Variants in ZNHIT1 observed in about 807,000 individuals in gnomAD.
ZNHIT1 encodes the protein zinc finger HIT domain-containing protein 1.
In ZNHIT1, 20 loss-of-function variants were observed where a neutral mutation model predicts 21.4. The ratio of observed to expected loss-of-function variants is 0.93; its 90% CI spans 0.66 to 1.36. The LOEUF is 1.36. Ranked by LOEUF, ZNHIT1 falls within the 40% of genes most tolerant of loss-of-function variation. The pLI is 0.00. For synonymous variants in ZNHIT1, 79 were observed against 84.0 expected (o/e 0.94, Z 0.32); for missense variants, 170 against 213.5 (o/e 0.80, Z 1.27).
rs370895021 is a variant in ZNHIT1 at position 101,218,231 on chromosome 7, C to G, written c.22+14C>G. 3 of 1,611,890 alleles carry G rather than the reference C, an allele frequency of 1.9e-6. No homozygotes were observed. Among genetic ancestry groups the G allele is most frequent in the Middle Eastern group, 1.7e-4 (1 of 6,054 alleles). On this transcript the variant is annotated intron_variant, in intron 1 of 4. Transcript: ENST00000305105. ...AGAAAACTTCGGGTATGTGAGCCCC[C>G]GCGGTTCGCCCCCTTCCCCTTCCCA...
intron 2 of ZNHIT1, among the ~76,000 whole-genome samples, chr7:101,222,994 G>C (rs1020986177): frequency 6.6e-6 from 1 of 152,322 alleles, no homozygotes; most frequent in East Asian, 1.9e-4. Flanking sequence ...GAAGCCTTAG[G>C]CTTGGGGGCA....
Position 101,223,470 on chromosome 7 carries a change from C to G in ZNHIT1, c.194-7C>G. ...GTGCCAAGCAACGGATCACCCTTGA[C>G]CCCTAGGAAAGAAAAAGAAGAAAAC... On this transcript the variant is annotated splice_polypyrimidine_tract_variant and splice_region_variant and intron_variant, in intron 2 of 4. Transcript: ENST00000305105. 6.2e-7 allele frequency: 1 copy of G among 1,614,084 alleles called. No homozygotes were observed. The highest frequency in any genetic ancestry group is 1.1e-5 in the South Asian group (1 of 91,078).
intron 1 of ZNHIT1, chr7:101,220,088 T>A (rs1000262219): frequency 1.3e-5 from 2 of 151,590 alleles, no homozygotes; most frequent in Admixed American, 6.6e-5. Context: ...ATAATCATAT[T>A]TTTTTTTGTT....
chr7:101,218,193 C>G lies in ZNHIT1; in HGVS notation c.-3C>G, dbSNP rs748914698. 5 of 1,613,184 alleles carry G rather than the reference C, an allele frequency of 3.1e-6. No homozygotes were observed. In the African/African-American group the frequency reaches 6.7e-5, roughly 22 times the overall value. ...AGTTTCTTCCGACAGTTGTGTTGTG[C>G]CAATGGTGGAGAAGAAAACTTCGGG... On this transcript the variant is annotated 5_prime_UTR_variant, in exon 1 of 5. Coordinates refer to ENST00000305105, the MANE Select transcript of ZNHIT1 (RefSeq NM_006349.3).
rs1296456629 is a variant in ZNHIT1 at position 101,221,152 on chromosome 7, TG to T, written c.23-1449del. ...AATCTGCAGGAGAAGCAGACTTGGA[TG>T]GGAATTTTTTTTTTTTTTTGAGTTG... is the stretch of plus-strand genomic sequence containing the variant. On this transcript the variant is annotated intron_variant, in intron 1 of 4. Coordinates refer to ENST00000305105, the MANE Select transcript of ZNHIT1 (RefSeq NM_006349.3). 7.9e-5 allele frequency: 11 copies of T among 138,504 alleles called. No homozygotes were observed. The East Asian group carries it at 2.0e-3, about 25-fold the overall frequency. 8.6% of individuals were successfully genotyped at this position (138,504 alleles called of 1,614,324 possible). A position where few individuals can be genotyped will look rare whatever the true frequency, so the allele number is the denominator to read the frequency against.
At chr7:101,223,202 T>C (rs2116823966) in intron 2 of ZNHIT1, among the ~76,000 whole-genome samples, 1 of 152,162 alleles carries the variant, frequency 6.6e-6, no homozygotes, top group East Asian at 1.9e-4. Flanking sequence ...TGAAACCCCA[T>C]CTCTACTAAA....
At chr7:101,221,415 G>A (rs1223537366) in intron 1 of ZNHIT1, 1 of 151,968 alleles carries the variant, frequency 6.6e-6, no homozygotes, top group Non-Finnish European at 1.5e-5. Context: ...GTAGAGATGG[G>A]GTTTGGCTAT....
chr7:101,220,572 G>T (rs951723496), intron 1 of ZNHIT1: 3 of 152,102 alleles, frequency 2.0e-5, no homozygotes, highest in African/African-American at 7.2e-5. Flanking sequence ...GGGTTAAATG[G>T]TTCAAGTGTT....
chr7:101,222,870 T>A (rs890374464), intron 2 of ZNHIT1, 96 bp downstream of exon 2: 1 of 1,480,434 alleles, frequency 6.8e-7, no homozygotes, highest in African/African-American at 1.4e-5. Context: ...GAGCTCCTGG[T>A]GCCTCTGCCA....
At position 101,223,730 on chromosome 7, in the gene ZNHIT1, C is replaced by T. The variant is rs373114121; in HGVS notation, c.331C>T (p.Arg111Trp). 6.0e-5 allele frequency: 97 copies of T among 1,613,426 alleles called. No homozygotes were observed. In the Middle Eastern group the frequency reaches 1.2e-3, roughly 19 times the overall value. ...YLTACAGPPS[R>W]PQRPFCAVCG... ...GACGGCCTGTGCGGGACCCCCATCG[C>T]GGCCCCAGCGCCCCTTCTGTGCTGT... The change falls in exon 4 of 5, where the codon CGG (arginine) becomes TGG (tryptophan). Residue 111 changes from arginine to tryptophan, a missense_variant. Transcript: ENST00000305105.
Position 101,223,548 on chromosome 7 carries a change from G to T in ZNHIT1, c.265G>T (p.Glu89Ter). The T allele has an allele frequency of 6.2e-7, 1 of 1,614,224 alleles. No homozygotes were observed. Residue 89 changes from glutamate (E) to a stop codon, truncating the protein, a stop_gained, in exon 3 of 5, where the codon GAG becomes TAG. Transcript: ENST00000305105. LOFTEE classifies it high-confidence loss of function. The stretch of plus-strand genomic sequence containing the variant: ...CCGAAAAAACTTTCAGGCCCTGTTG[G>T]AGGAGCAGGTGAGAGGAGGGTCGGC... ...RFRKNFQALL[E>*]EQNLSVAEGP...
rs1798415836 is a variant in ZNHIT1, at chr7:101,224,079, C to T, written c.*121C>T. ...ACCAAGGGAGGAGCCGCTCATTCAC[C>T]CAACAAAACTGTGTCTTATCTGCCA... On this transcript the variant is annotated 3_prime_UTR_variant, in exon 5 of 5. Coordinates refer to ENST00000305105, the MANE Select transcript of ZNHIT1 (RefSeq NM_006349.3). The T allele has an allele frequency of 6.8e-7, 1 of 1,466,110 alleles. No homozygotes were observed. Among genetic ancestry groups the T allele is most frequent in the Non-Finnish European group, 9.4e-7 (1 of 1,062,400 alleles). The allele number at this position is 1,466,110 out of a possible 1,614,324, so 90.8% of individuals were successfully genotyped here.
chr7:101,223,399 G>A, intron 2 of ZNHIT1, 78 bp from the exon 3 acceptor site: 1 of 1,497,858 alleles, frequency 6.7e-7, no homozygotes, highest in Non-Finnish European at 9.3e-7. Context: ...GGGCACATGG[G>A]CATGGGGAGT....
chr7:101,222,522 G>A, intron 1 of ZNHIT1, 82 bp from the exon 2 acceptor site: 1 of 1,484,928 alleles, frequency 6.7e-7, no homozygotes, highest in Non-Finnish European at 9.1e-7. Flanking sequence ...CACCCCGGGT[G>A]CCTTCCTCGC....
At chr7:101,222,508 C>T in intron 1 of ZNHIT1, 96 bp from the exon 2 acceptor site, 1 of 1,426,548 alleles carries the variant, frequency 7.0e-7, no homozygotes, top group South Asian at 1.4e-5. Context: ...AGAGCTGCAG[C>T]TTCCACCCCG....
intron 1 of ZNHIT1, chr7:101,221,157 AT>A (rs34356868): frequency 0.23 from 32,864 of 143,090 alleles, 3,633 homozygotes; most frequent in South Asian, 0.3. Context: ...TTGGATGGGA[AT>A]TTTTTTTTTT....
Position 101,222,859 on chromosome 7 carries a change from G to A in ZNHIT1, c.193+85G>A, listed in dbSNP as rs1244833171. On this transcript the variant is annotated intron_variant, in intron 2 of 4. Coordinates refer to ENST00000305105, the MANE Select transcript of ZNHIT1 (RefSeq NM_006349.3). ...CCAACTCAGGCTGTGGGAGGACCCA[G>A]GAGCTCCTGGTGCCTCTGCCAGTGA... The A allele has an allele frequency of 8.5e-6, 13 of 1,522,238 alleles. No homozygotes were observed. In the Admixed American group the frequency reaches 2.0e-4, roughly 24 times the overall value. 94.3% of individuals were successfully genotyped at this position (1,522,238 alleles called of 1,614,324 possible). A position where few individuals can be genotyped will look rare whatever the true frequency, so the allele number is the denominator to read the frequency against.
chr7:101,222,276 C>T (rs1798381698), intron 1 of ZNHIT1: 1 of 317,076 alleles, frequency 3.2e-6, no homozygotes, highest in Non-Finnish European at 5.8e-6. Context: ...ATTGAGGGCC[C>T]AGGACAGCCT....
At chr7:101,223,331 C>A in intron 2 of ZNHIT1, 146 bp from the exon 3 acceptor site, 1 of 865,362 alleles carries the variant, frequency 1.2e-6, no homozygotes, top group South Asian at 1.6e-5. Context: ...GAGTCAAGAT[C>A]GCACCACTGC....
Sources: gnomAD v4.1 joint callset for allele counts (sites outside exome capture counted in the v4.1 genomes callset) on GRCh38, gnomAD v4.1.1 for gene constraint, MANE v1.5 for transcripts, NCBI Gene and HGNC (gene_info 2026-07-23, HGNC 2026-07-21) for gene names.